The following WDR7 variants were observed in gnomAD, a reference collection of about 807,000 sequenced individuals.
The protein encoded by WDR7 is WD repeat domain 7.
A neutral mutation model predicts 169.4 loss-of-function variants in WDR7; 46 were observed. That is an observed-to-expected ratio of 0.27 (90% confidence interval 0.21 to 0.35). The LOEUF is 0.35. Among genes scored for constraint, WDR7 ranks in the 10% least tolerant of loss-of-function variants. The probability of loss-of-function intolerance (pLI) is 1.00; values close to 1 mark genes in which losing one functional copy is unlikely to be tolerated. For missense variants in WDR7, 1,534 were observed against 1,859.3 expected (o/e 0.83, Z 3.22); for synonymous variants, 612 against 666.8 (o/e 0.92, Z 1.27).
At chr18:56,900,111 A>ATATATATATATATATATATATATAT (rs1555707547) in intron 21 of WDR7, among the ~76,000 whole-genome samples, 2 of 137,786 alleles carry the variant, frequency 1.5e-5, no homozygotes, top group East Asian at 2.0e-4. Flanking sequence ...TATATATATA[A>ATATATATATATATATATATATATAT]AATTGTTAAT....
chr18:56,913,450 AAATT>A (rs1378724160), intron 21 of WDR7, among the ~76,000 whole-genome samples: 5 of 151,878 alleles, frequency 3.3e-5, no homozygotes, highest in African/African-American at 1.2e-4. Flanking sequence ...TCTAATCCCT[AAATT>A]AATCCTGTCC....
At chr18:56,680,481 C>G (rs2025331857) in intron 3 of WDR7, among the ~76,000 whole-genome samples, 1 of 152,136 alleles carries the variant, frequency 6.6e-6, no homozygotes. Context: ...AAGGATAATT[C>G]CCATTAGAAT....
At chr18:57,032,801 T>TTATTTTTATATA (rs1210749361), downstream of WDR7, 68 of 106,124 alleles carry the variant, frequency 6.4e-4, no homozygotes, top group African/African-American at 2.1e-3. Flanking sequence ...TATAATTATT[T>TTATTTTTATATA]TATATATATA....
At chr18:56,868,967 G>C (rs774379371) in intron 20 of WDR7, among the ~76,000 whole-genome samples, 6 of 151,876 alleles carry the variant, frequency 4.0e-5, no homozygotes, top group Non-Finnish European at 8.8e-5. Flanking sequence ...TAAAGGCAAA[G>C]AAAAAAATTA....
chr18:56,911,095 T>C (rs1445087096), intron 21 of WDR7, among the ~76,000 whole-genome samples: 2 of 152,156 alleles, frequency 1.3e-5, no homozygotes, highest in Admixed American at 6.5e-5. Flanking sequence ...ATTCTGAGCG[T>C]GGGCTTGCTG....
intron 19 of WDR7, among the ~76,000 whole-genome samples, chr18:56,794,066 T>C (rs1360969865): frequency 1.3e-5 from 2 of 152,154 alleles, no homozygotes; most frequent in African/African-American, 2.4e-5. Flanking sequence ...ATAAAACCAA[T>C]GTGTTTTCTA....
rs2045647729 is a variant in WDR7 at position 56,852,017 on chromosome 18, ATTTCTC to A, written c.3305-27926_3305-27921del. Among the ~76,000 whole-genome samples, 4 of 152,048 alleles carry A rather than the reference ATTTCTC, an allele frequency of 2.6e-5. No homozygotes were observed. The South Asian group carries it at 6.2e-4, about 24-fold the overall frequency. On this transcript the variant is annotated intron_variant, in intron 20 of 27. Transcript: ENST00000254442. The stretch of plus-strand genomic sequence containing the variant: ...ACAGAGAAAATGACCCTCTGGCTTC[ATTTCTC>A]AGCCTCTGACCTTCTCTGCTGTTAG...
At chr18:56,655,730 C>T (rs571824297) in intron 1 of WDR7, among the ~76,000 whole-genome samples, 1 of 152,132 alleles carries the variant, frequency 6.6e-6, no homozygotes, top group South Asian at 2.1e-4. Flanking sequence ...CCTCACCATC[C>T]CTTAATCAGT....
At chr18:56,950,793 C>G (rs541138405) in intron 25 of WDR7, among the ~76,000 whole-genome samples, 1 of 152,178 alleles carries the variant, frequency 6.6e-6, no homozygotes, top group Non-Finnish European at 1.5e-5. Context: ...TCCAGTGCCA[C>G]TGATTCCAGA....
intron 5 of WDR7, among the ~76,000 whole-genome samples, chr18:56,685,691 A>T (rs909596708): frequency 6.6e-6 from 1 of 152,240 alleles, no homozygotes; most frequent in African/African-American, 2.4e-5. Context: ...AATCAAGAAC[A>T]TTTGAAATTA....
intron 16 of WDR7, among the ~76,000 whole-genome samples, chr18:56,767,123 T>G (rs1310336791): frequency 2.0e-5 from 3 of 152,206 alleles, no homozygotes; most frequent in Non-Finnish European, 4.4e-5. Context: ...AATTACTCCC[T>G]ATTACTGAGG....
intron 20 of WDR7, among the ~76,000 whole-genome samples, chr18:56,876,351 G>T (rs1021565452): frequency 4.6e-5 from 7 of 152,006 alleles, no homozygotes; most frequent in Non-Finnish European, 7.4e-5. Flanking sequence ...AGATGGCTCC[G>T]GGAGTTCACT....
At chr18:57,009,510 G>A (rs1032116087) in intron 26 of WDR7, among the ~76,000 whole-genome samples, 4 of 138,494 alleles carry the variant, frequency 2.9e-5, no homozygotes, top group Middle Eastern at 3.4e-3. Flanking sequence ...ACATAAATTA[G>A]GTTATGTTCC....
chr18:56,946,077 C>T (rs544136672), intron 25 of WDR7, among the ~76,000 whole-genome samples: 12 of 152,212 alleles, frequency 7.9e-5, no homozygotes, highest in Non-Finnish European at 1.8e-4. Context: ...TTATCTAAAA[C>T]TCAGCTGAGA....
At chr18:56,970,007 G>C (rs907651153) in intron 26 of WDR7, among the ~76,000 whole-genome samples, 3 of 152,078 alleles carry the variant, frequency 2.0e-5, no homozygotes, top group African/African-American at 7.2e-5. Flanking sequence ...TTAAACTCCT[G>C]TACTTCTTTA....
chr18:56,923,303 A>G (rs1267769629), intron 21 of WDR7, among the ~76,000 whole-genome samples: 1 of 152,262 alleles, frequency 6.6e-6, no homozygotes, highest in African/African-American at 2.4e-5. Context: ...GATCTAGGTC[A>G]TCTTACCAGA....
intron 16 of WDR7, among the ~76,000 whole-genome samples, chr18:56,759,955 C>T (rs1008588667): frequency 6.6e-6 from 1 of 152,140 alleles, no homozygotes; most frequent in Non-Finnish European, 1.5e-5. Context: ...TCAGATGGTT[C>T]TCATTGTGGA....
intron 16 of WDR7, among the ~76,000 whole-genome samples, chr18:56,775,812 A>T (rs567122615): frequency 1.3e-5 from 2 of 152,294 alleles, no homozygotes; most frequent in East Asian, 3.9e-4. Flanking sequence ...TCACAAAAGA[A>T]CTTCACTGCA....
chr18:56,659,659 G>A (rs1027641795), intron 1 of WDR7, among the ~76,000 whole-genome samples: 4 of 152,164 alleles, frequency 2.6e-5, no homozygotes, highest in Admixed American at 6.5e-5. Flanking sequence ...AATCTGGGGT[G>A]GGGGACACTG....
Sources: gnomAD v4.1 joint callset for allele counts (sites outside exome capture counted in the v4.1 genomes callset) on GRCh38, gnomAD v4.1.1 for gene constraint, MANE v1.5 for transcripts, NCBI Gene and HGNC (gene_info 2026-07-23, HGNC 2026-07-21) for gene names.